The following NAALADL2 variants were observed in gnomAD, a reference collection of about 807,000 sequenced individuals.
NAALADL2 encodes the protein inactive N-acetylated-alpha-linked acidic dipeptidase-like protein 2.
NAALADL2 carries 76 observed loss-of-function variants against 87.2 expected under a neutral mutation model. The ratio of observed to expected loss-of-function variants is 0.87; its 90% CI spans 0.72 to 1.05. The LOEUF (loss-of-function observed/expected upper bound fraction) is 1.05, where lower values mean the gene tolerates loss of function less well. NAALADL2 is among the 50% of genes least tolerant of loss of function. The pLI is 0.00. For missense variants in NAALADL2, 1,089 were observed against 945.8 expected (o/e 1.15, Z -1.99); for synonymous variants, 354 against 331.0 (o/e 1.07, Z -0.75).
At chr3:175,485,406 A>T (rs1402442229) in intron 9 of NAALADL2, among the ~76,000 whole-genome samples, 1 of 152,154 alleles carries the variant, frequency 6.6e-6, no homozygotes, top group East Asian at 1.9e-4. Context: ...ATCACAAGGT[A>T]TTAGTCCCAC....
chr3:174,917,107 T>A (rs1370715895), intron 1 of NAALADL2, among the ~76,000 whole-genome samples: 1 of 152,122 alleles, frequency 6.6e-6, no homozygotes, highest in Non-Finnish European at 1.5e-5. Flanking sequence ...GATTTAACTT[T>A]GTTTCAGCAA....
At chr3:175,068,830 G>T (rs866047209) in intron 1 of NAALADL2, among the ~76,000 whole-genome samples, 1 of 152,046 alleles carries the variant, frequency 6.6e-6, no homozygotes, top group Non-Finnish European at 1.5e-5. Context: ...CTTTGAAAAA[G>T]TATGCACTTG....
intron 2 of NAALADL2, among the ~76,000 whole-genome samples, chr3:175,158,785 G>C (rs1200461891): frequency 1.3e-5 from 2 of 152,006 alleles, no homozygotes; most frequent in Non-Finnish European, 2.9e-5. Context: ...AGGAGAAATA[G>C]AGTTCTTGAA....
chr3:175,462,929 T>G (rs1330948531), intron 6 of NAALADL2, among the ~76,000 whole-genome samples: 1 of 152,220 alleles, frequency 6.6e-6, no homozygotes, highest in Non-Finnish European at 1.5e-5. Flanking sequence ...ATGCTTTATT[T>G]ATCATTTTTA....
chr3:174,652,417 GA>G (rs1351324217), intron 2 of NAALADL2, among the ~76,000 whole-genome samples: 1 of 152,164 alleles, frequency 6.6e-6, no homozygotes, highest in Non-Finnish European at 1.5e-5. Flanking sequence ...ATTTATAAAG[GA>G]AAGGGGTTTA....
intron 1 of NAALADL2, among the ~76,000 whole-genome samples, chr3:174,494,376 G>A (rs1351363365): frequency 6.6e-6 from 1 of 151,004 alleles, no homozygotes; most frequent in East Asian, 1.9e-4. Context: ...GAAGTAGGGG[G>A]AGTTTTCAAA....
intron 4 of NAALADL2, among the ~76,000 whole-genome samples, chr3:175,289,794 C>CA (rs1476293938): frequency 6.6e-6 from 1 of 151,542 alleles, no homozygotes. Context: ...GATCTTGTCT[C>CA]AAAAAACAAA....
At chr3:174,811,946 T>A (rs1720259599) in intron 3 of NAALADL2, among the ~76,000 whole-genome samples, 1 of 152,108 alleles carries the variant, frequency 6.6e-6, no homozygotes, top group Non-Finnish European at 1.5e-5. Flanking sequence ...CTGCCTTTTT[T>A]AAGTTTGTGG....
At chr3:175,663,661 ATAAAT>A (rs1484204529) in intron 11 of NAALADL2, among the ~76,000 whole-genome samples, 3 of 151,924 alleles carry the variant, frequency 2.0e-5, no homozygotes, top group South Asian at 2.1e-4. Context: ...CTTTATAAAA[ATAAAT>A]TAGAGAGTTT....
chr3:175,640,588 A>G (rs2149757250), intron 11 of NAALADL2, among the ~76,000 whole-genome samples: 1 of 152,230 alleles, frequency 6.6e-6, no homozygotes, highest in East Asian at 1.9e-4. Flanking sequence ...AAGCATCATT[A>G]TTTTACTCCA....
At chr3:175,651,923 G>A (rs1249778000) in intron 11 of NAALADL2, among the ~76,000 whole-genome samples, 2 of 152,174 alleles carry the variant, frequency 1.3e-5, no homozygotes, top group Non-Finnish European at 2.9e-5. Flanking sequence ...GCTTGCTCTT[G>A]AGAAGCAAAA....
chr3:175,325,914 T>C (rs1760649115), intron 5 of NAALADL2, among the ~76,000 whole-genome samples: 2 of 152,352 alleles, frequency 1.3e-5, no homozygotes, highest in South Asian at 2.1e-4. Flanking sequence ...TCTTATCAAA[T>C]AGTGGCACCC....
At chr3:174,569,270 C>T (rs906574406) in intron 2 of NAALADL2, among the ~76,000 whole-genome samples, 10 of 151,466 alleles carry the variant, frequency 6.6e-5, no homozygotes, top group African/African-American at 9.7e-5. Context: ...TAAGGAGACT[C>T]GATCCAAGGA....
intron 5 of NAALADL2, among the ~76,000 whole-genome samples, chr3:175,387,080 A>G (rs1432921922): frequency 6.6e-6 from 1 of 152,074 alleles, no homozygotes; most frequent in Non-Finnish European, 1.5e-5. Flanking sequence ...ATTTTTTTTT[A>G]CTACTTTTGC....
intron 3 of NAALADL2, among the ~76,000 whole-genome samples, chr3:174,806,640 T>C (rs1273512811): frequency 6.6e-6 from 1 of 152,208 alleles, no homozygotes; most frequent in Non-Finnish European, 1.5e-5. Flanking sequence ...GATGCACAGA[T>C]AATAATTACC....
rs371634555 is a variant in NAALADL2 at position 175,634,503 on chromosome 3, C to T, written c.1896+7117C>T. Among the ~76,000 whole-genome samples the T allele has an allele frequency of 1.8e-4, 27 of 151,990 alleles. No individual in the cohort carries two copies. The East Asian group carries it at 5.0e-3, about 28-fold the overall frequency. Reference sequence around the variant, plus strand: ...CCATTCTAAGCTATAGCTTTTAAAACTATATCTCAGTAGCATTTTATAAAG... The same window carrying T: ...CCATTCTAAGCTATAGCTTTTAAAATTATATCTCAGTAGCATTTTATAAAG... On this transcript the variant is annotated intron_variant, in intron 11 of 13. Transcript: ENST00000454872.
chr3:174,649,544 A>T (rs888214356), intron 2 of NAALADL2, among the ~76,000 whole-genome samples: 6 of 152,086 alleles, frequency 3.9e-5, no homozygotes, highest in African/African-American at 1.4e-4. Context: ...TGAAAACTAC[A>T]TATATGCTCA....
At position 175,807,970 on chromosome 3, in the gene NAALADL2, T is replaced by A. The variant is rs1754857274; in HGVS notation, c.*4767T>A. On this transcript the variant is annotated 3_prime_UTR_variant, in exon 14 of 14. Transcript: ENST00000454872. ...AATGTATAAAGATAGCCTTTTCTGG[T>A]CATTACCATGTCTACTCAAGTTTCT... 1 of 151,992 alleles carries A rather than the reference T, an allele frequency of 6.6e-6. No homozygotes were observed. Among genetic ancestry groups the A allele is most frequent in the Admixed American group, 6.6e-5 (1 of 15,214 alleles). 9.4% of individuals were successfully genotyped at this position (151,992 alleles called of 1,614,324 possible). A position where few individuals can be genotyped will look rare whatever the true frequency, so the allele number is the denominator to read the frequency against.
chr3:175,659,051 T>C (rs925612694), intron 11 of NAALADL2, among the ~76,000 whole-genome samples: 1 of 152,192 alleles, frequency 6.6e-6, no homozygotes, highest in African/African-American at 2.4e-5. Context: ...ATCTGTTTAT[T>C]AACCATGTAA....
Sources: allele counts gnomAD v4.1 joint callset (sites outside exome capture counted in the v4.1 genomes callset), GRCh38; gene constraint gnomAD v4.1.1; transcripts MANE v1.5; gene names NCBI Gene and HGNC (gene_info 2026-07-23, HGNC 2026-07-21).